The following STAU2 variants were observed in gnomAD, a reference collection of about 807,000 sequenced individuals.
The protein encoded by STAU2 is double-stranded RNA-binding protein Staufen homolog 2.
Under a neutral mutation model 65.9 loss-of-function variants are expected in STAU2, and 20 were observed. That is an observed-to-expected ratio of 0.30 (90% confidence interval 0.21 to 0.44). The LOEUF (loss-of-function observed/expected upper bound fraction) is 0.44, where lower values mean the gene tolerates loss of function less well. Ranked by LOEUF, STAU2 falls within the 20% of genes least tolerant of loss-of-function variation. The pLI, the probability that STAU2 is intolerant of heterozygous loss-of-function variation, is 1.00. For synonymous variants in STAU2, 232 were observed against 233.9 expected (o/e 0.99, Z 0.07); for missense variants, 558 against 683.9 (o/e 0.82, Z 2.05).
intron 13 of STAU2, among the ~76,000 whole-genome samples, chr8:73,431,358 T>A (rs1368472850): frequency 6.6e-6 from 1 of 152,194 alleles, no homozygotes; most frequent in East Asian, 1.9e-4. Context: ...TGTTCCAGGA[T>A]TTTAAAAAAA....
chr8:73,527,658 A>T (rs1388728074), intron 13 of STAU2: 2 of 1,508,892 alleles, frequency 1.3e-6, no homozygotes, highest in African/African-American at 2.8e-5. Flanking sequence ...GAGCTGGGCC[A>T]TAACACAGCA....
At position 73,445,926 on chromosome 8, in the gene STAU2, T is replaced by TA. The variant is rs578018178; in HGVS notation, c.1531-23225dup. On this transcript the variant is annotated intron_variant, in intron 13 of 14. Transcript: ENST00000524300. ...CTGGAAAAATAGCGTGGCAGTTTCATAAAAAACTAAACATTCACTTACCAT... is the reference window on the plus strand; with the variant it reads ...CTGGAAAAATAGCGTGGCAGTTTCATAAAAAAACTAAACATTCACTTACCAT... 1.2e-4 allele frequency among the ~76,000 whole-genome samples: 18 copies of TA among 152,298 alleles called. No individual in the cohort carries two copies. The East Asian group carries it at 3.5e-3, about 29-fold the overall frequency.
chr8:73,536,367 C>T (rs1471606293), intron 13 of STAU2, among the ~76,000 whole-genome samples: 3 of 152,124 alleles, frequency 2.0e-5, no homozygotes, highest in Non-Finnish European at 4.4e-5. Context: ...AGAAAGTCTG[C>T]TCTTTCTAAC....
At chr8:73,715,290 T>C (rs886809506) in intron 3 of STAU2, among the ~76,000 whole-genome samples, 1 of 151,630 alleles carries the variant, frequency 6.6e-6, no homozygotes, top group African/African-American at 2.4e-5. Context: ...ACCCTGTCTC[T>C]ATTAAAAATA....
chr8:73,466,153 C>A (rs1819641507), intron 13 of STAU2, among the ~76,000 whole-genome samples: 1 of 152,160 alleles, frequency 6.6e-6, no homozygotes, highest in Admixed American at 6.5e-5. Context: ...CACTTGTAGA[C>A]CTCACAAATG....
At chr8:73,489,946 A>G (rs987243637) in intron 13 of STAU2, among the ~76,000 whole-genome samples, 1 of 152,010 alleles carries the variant, frequency 6.6e-6, no homozygotes, top group African/African-American at 2.4e-5. Flanking sequence ...AGAGGGGGGA[A>G]ATCCTTTTTG....
At chr8:73,588,945 T>A (rs1166584911) in intron 11 of STAU2, among the ~76,000 whole-genome samples, 3 of 151,924 alleles carry the variant, frequency 2.0e-5, no homozygotes, top group Non-Finnish European at 4.4e-5. Flanking sequence ...TCAAGAACTA[T>A]GACACCCACC....
At chr8:73,587,967 T>C (rs1471833280) in intron 11 of STAU2, among the ~76,000 whole-genome samples, 3 of 151,972 alleles carry the variant, frequency 2.0e-5, no homozygotes, top group African/African-American at 2.4e-5. Context: ...AATGATCAAA[T>C]ACAAAAAAGA....
At chr8:73,539,099 G>T (rs192941370) in intron 13 of STAU2, among the ~76,000 whole-genome samples, 9 of 152,328 alleles carry the variant, frequency 5.9e-5, no homozygotes, top group African/African-American at 2.2e-4. Flanking sequence ...GAAGAAAGAA[G>T]TTTGGATTTG....
chr8:73,651,295 C>A, intron 6 of STAU2: 1 of 672,002 alleles, frequency 1.5e-6, no homozygotes, highest in Non-Finnish European at 2.7e-6. Flanking sequence ...ACTGTGTCCA[C>A]ACAGCCTTCA....
chr8:73,651,350 C>A, intron 6 of STAU2: 1 of 683,452 alleles, frequency 1.5e-6, no homozygotes, highest in Non-Finnish European at 2.7e-6. Flanking sequence ...CCAGCACCAC[C>A]AGTACCTGGG....
chr8:73,718,413 C>A (rs1441435306), intron 3 of STAU2, among the ~76,000 whole-genome samples: 4 of 152,134 alleles, frequency 2.6e-5, no homozygotes, highest in Admixed American at 2.6e-4. Flanking sequence ...AAATAACCAA[C>A]AAAAAGCACA....
At chr8:73,523,617 CATCT>C in intron 13 of STAU2, among the ~76,000 whole-genome samples, 1 of 152,166 alleles carries the variant, frequency 6.6e-6, no homozygotes, top group East Asian at 1.9e-4. Context: ...TGCAACCACT[CATCT>C]GTTTTCTATC....
At chr8:73,541,771 G>C (rs1806560989) in intron 13 of STAU2, among the ~76,000 whole-genome samples, 1 of 152,110 alleles carries the variant, frequency 6.6e-6, no homozygotes, top group Non-Finnish European at 1.5e-5. Context: ...AAATGGAAAT[G>C]TCAGATGTGA....
chr8:73,674,050 T>C (rs1270321069), intron 5 of STAU2, among the ~76,000 whole-genome samples: 1 of 151,374 alleles, frequency 6.6e-6, no homozygotes, highest in African/African-American at 2.4e-5. Flanking sequence ...CTTTATATTA[T>C]CTTTTGTCTA....
At chr8:73,463,330 A>G (rs1036989309) in intron 13 of STAU2, among the ~76,000 whole-genome samples, 1 of 152,198 alleles carries the variant, frequency 6.6e-6, no homozygotes, top group Non-Finnish European at 1.5e-5. Flanking sequence ...CAAATTAAAA[A>G]CACTTTTATA....
intron 13 of STAU2, among the ~76,000 whole-genome samples, chr8:73,452,277 G>A (rs1280305947): frequency 6.6e-6 from 1 of 152,118 alleles, no homozygotes; most frequent in East Asian, 1.9e-4. Context: ...CTGTGACAGA[G>A]GACAGAGGGG....
At chr8:73,717,666 G>A (rs767605466) in intron 3 of STAU2, among the ~76,000 whole-genome samples, 20 of 146,542 alleles carry the variant, frequency 1.4e-4, no homozygotes, top group Non-Finnish European at 2.7e-4. Flanking sequence ...TTGTTGTTTT[G>A]AGACGGAGTC....
At chr8:73,441,981 G>C (rs1818179708) in intron 13 of STAU2, among the ~76,000 whole-genome samples, 1 of 152,072 alleles carries the variant, frequency 6.6e-6, no homozygotes, top group Non-Finnish European at 1.5e-5. Flanking sequence ...AGTTCAAGAA[G>C]TAAACGATAT....
Sources: gnomAD v4.1 joint callset for allele counts (sites outside exome capture counted in the v4.1 genomes callset) on GRCh38, gnomAD v4.1.1 for gene constraint, MANE v1.5 for transcripts, NCBI Gene and HGNC (gene_info 2026-07-23, HGNC 2026-07-21) for gene names.